The following RAB44 variants were observed in gnomAD, a reference collection of about 807,000 sequenced individuals.
RAB44 encodes RAB44, member RAS oncogene family.
RAB44 carries 67 observed loss-of-function variants against 93.3 expected under a neutral mutation model. That is an observed-to-expected ratio of 0.72 (90% confidence interval 0.59 to 0.88). The LOEUF (loss-of-function observed/expected upper bound fraction) is 0.88, where lower values mean the gene tolerates loss of function less well. Among genes scored for constraint, RAB44 ranks in the 40% least tolerant of loss-of-function variants. RAB44 has a pLI of 0.00. For missense variants in RAB44, 1,064 were observed against 1,261.7 expected (o/e 0.84, Z 2.37); for synonymous variants, 427 against 520.3 (o/e 0.82, Z 2.44).
intron 11 of RAB44, 138 bp from the exon 12 acceptor site, chr6:36,728,562 C>A (rs902378197): frequency 1.5e-6 from 1 of 670,340 alleles, no homozygotes; most frequent in Non-Finnish European, 2.7e-6. Flanking sequence ...GGGAAAGGGT[C>A]CAGGTGAGAA....
At chr6:36,719,970 C>A (rs1275797977) in intron 7 of RAB44, among the ~76,000 whole-genome samples, 2 of 152,194 alleles carry the variant, frequency 1.3e-5, no homozygotes, top group Non-Finnish European at 2.9e-5. Flanking sequence ...CTTGGCCAAG[C>A]AATGCTCCCT....
rs561844075 is a variant in RAB44 at position 36,718,593 on chromosome 6, G to A, written c.828+5G>A. The A allele has an allele frequency of 1.1e-5, 13 of 1,228,200 alleles. No individual in the cohort carries two copies. In the East Asian group the frequency reaches 3.8e-4, roughly 36 times the overall value. 76.1% of individuals were successfully genotyped at this position (1,228,200 alleles called of 1,614,324 possible). On this transcript the variant is annotated splice_donor_5th_base_variant and intron_variant, in intron 7 of 13. Transcript: ENST00000612677. ...CTAGCTGAGGGCCAGAGGGAGGTGA[G>A]TAATAGGGTTTCCCAGAAACCTACT... is the stretch of plus-strand genomic sequence containing the variant.
At chr6:36,716,623 A>G (rs907817944) in intron 4 of RAB44, among the ~76,000 whole-genome samples, 2 of 152,254 alleles carry the variant, frequency 1.3e-5, no homozygotes, top group East Asian at 1.9e-4. Context: ...CTGTGAGGAC[A>G]AGATTCCTCA....
Position 36,731,527 on chromosome 6 carries a change from G to T in RAB44, c.2976-476G>T, listed in dbSNP as rs1763363853. On this transcript the variant is annotated intron_variant, in intron 13 of 13. Coordinates refer to ENST00000612677, the MANE Select transcript of RAB44 (RefSeq NM_001257357.2). This position sits in a 1 kb window ranked among gnomAD's most constrained non-coding sequence, Gnocchi z 4.0. ...ACGAAGAAATGAATGGACTTCTTTTGCTTCCCCAGCCTCCAAGCTCTCTCG... is the reference window on the plus strand; with the variant it reads ...ACGAAGAAATGAATGGACTTCTTTTTCTTCCCCAGCCTCCAAGCTCTCTCG... 6.6e-6 allele frequency among the ~76,000 whole-genome samples: 1 copy of T among 152,086 alleles called. No individual in the cohort carries two copies. Among genetic ancestry groups the T allele is most frequent in the South Asian group, 2.1e-4 (1 of 4,836 alleles).
At position 36,732,196 on chromosome 6, in the gene RAB44, A is replaced by C; in HGVS notation, c.*103A>C. On this transcript the variant is annotated 3_prime_UTR_variant, in exon 14 of 14. Coordinates refer to ENST00000612677, the MANE Select transcript of RAB44 (RefSeq NM_001257357.2). ...GCAACGACACAGAGGACCAGCTTGG[A>C]GGTTCAGGAAAACCCTTCTCAACTC... is the stretch of plus-strand genomic sequence containing the variant. 2.8e-6 allele frequency: 2 copies of C among 709,192 alleles called. No homozygotes were observed. The highest frequency in any genetic ancestry group is 8.7e-5 in the Admixed American group (2 of 22,920). The allele number at this position is 709,192 out of a possible 1,614,324, so 43.9% of individuals were successfully genotyped here.
At chr6:36,714,651 C>T (rs1181086546) in intron 3 of RAB44, among the ~76,000 whole-genome samples, 1 of 152,214 alleles carries the variant, frequency 6.6e-6, no homozygotes, top group Non-Finnish European at 1.5e-5. Context: ...GGGAGGAGAA[C>T]TCAGGGGCTG....
At chr6:36,728,344 G>A (rs1460016760) in intron 11 of RAB44, among the ~76,000 whole-genome samples, 1 of 152,088 alleles carries the variant, frequency 6.6e-6, no homozygotes, top group Admixed American at 6.5e-5. Flanking sequence ...CACAGCACCT[G>A]GTGTATAGCA....
At position 36,717,219 on chromosome 6, in the gene RAB44, T is replaced by C; in HGVS notation, c.495-54T>C. 8.1e-7 allele frequency: 1 copy of C among 1,231,156 alleles called. No homozygotes were observed. Among genetic ancestry groups the C allele is most frequent in the Non-Finnish European group, 1.0e-6 (1 of 987,222 alleles). 76.3% of individuals were successfully genotyped at this position (1,231,156 alleles called of 1,614,324 possible). ...TGAGGAGTGGGGCTCCCCTTGCTTC[T>C]CCATCCCACCTTGTGTCTGACCCTC... is the stretch of plus-strand genomic sequence containing the variant. On this transcript the variant is annotated intron_variant, in intron 4 of 13. Coordinates refer to ENST00000612677, the MANE Select transcript of RAB44 (RefSeq NM_001257357.2). This position sits in a 1 kb window ranked among gnomAD's most constrained non-coding sequence, Gnocchi z 4.1.
intron 2 of RAB44, among the ~76,000 whole-genome samples, chr6:36,713,498 A>G (rs549182246): frequency 1.3e-5 from 2 of 152,246 alleles, no homozygotes; most frequent in East Asian, 3.9e-4. Flanking sequence ...GCCTGGCCTC[A>G]GGTAATTTTT....
rs1763042129 is a variant in RAB44, at chr6:36,720,386, C to T, written c.852C>T (p.Leu284=). The T allele has an allele frequency of 8.1e-7, 1 of 1,232,360 alleles. No homozygotes were observed. The highest frequency in any genetic ancestry group is 1.0e-6 in the Non-Finnish European group (1 of 988,188). 76.3% of individuals were successfully genotyped at this position (1,232,360 alleles called of 1,614,324 possible). A position where few individuals can be genotyped will look rare whatever the true frequency, so the allele number is the denominator to read the frequency against. ...AGCTGGAGGCCCAGCTCTCCCACCT[C>T]AGGAGCACACATCAGGAGGCTGCCT... is the stretch of plus-strand genomic sequence containing the variant. ...QRELEAQLSH[L]RSTHQEAASE... Residue 284 remains leucine, a synonymous_variant, in exon 8 of 14, where the codon CTC becomes CTT. Coordinates refer to ENST00000612677, the MANE Select transcript of RAB44 (RefSeq NM_001257357.2).
At chr6:36,720,285 T>C (rs1259918409) in intron 7 of RAB44, 78 bp from the exon 8 acceptor site, 14 of 1,166,672 alleles carry the variant, frequency 1.2e-5, no homozygotes, top group African/African-American at 1.6e-5. Context: ...GGGGTCTGTG[T>C]CCCACAATGG....
At chr6:36,730,785 C>T (rs1204969787) in intron 13 of RAB44, 36 bp downstream of exon 13, 37 of 1,092,898 alleles carry the variant, frequency 3.4e-5, no homozygotes, top group Admixed American at 4.3e-5. Flanking sequence ...CCCCACCCCC[C>T]CCCTTGCAGA....
intron 3 of RAB44, among the ~76,000 whole-genome samples, chr6:36,714,286 G>A (rs1273585364): frequency 6.6e-6 from 1 of 152,194 alleles, no homozygotes; most frequent in African/African-American, 2.4e-5. Flanking sequence ...ATATCTAGGG[G>A]TGGGGGCTTT....
At chr6:36,712,222 G>T (rs1219045122) in intron 2 of RAB44, among the ~76,000 whole-genome samples, 2 of 151,996 alleles carry the variant, frequency 1.3e-5, no homozygotes, top group Non-Finnish European at 2.9e-5. Context: ...AGAATTAGTT[G>T]AACTCGGGAG....
In RAB44 at chr6:36,713,487, C is replaced by T. The variant is rs929907714; in HGVS notation, c.208-341C>T. On this transcript the variant is annotated intron_variant, in intron 2 of 13. Transcript: ENST00000612677. ...TTGGGATTACAGGCTTGAGCCACCG[C>T]GCCTGGCCTCAGGTAATTTTTGGAC... Among the ~76,000 whole-genome samples the T allele has an allele frequency of 4.6e-5, 7 of 152,216 alleles. No individual in the cohort carries two copies. In the East Asian group the frequency reaches 5.8e-4, roughly 13 times the overall value.
chr6:36,727,496 T>A (rs1159073579), intron 10 of RAB44, 81 bp from the exon 11 acceptor site: 2 of 842,292 alleles, frequency 2.4e-6, no homozygotes, highest in African/African-American at 3.4e-5. Context: ...AGAAGTAGGA[T>A]AGGTTACTTC....
Position 36,730,666 on chromosome 6 carries a change from C to G in RAB44, c.2899-7C>G. 8.1e-7 allele frequency: 1 copy of G among 1,233,844 alleles called. No homozygotes were observed. The highest frequency in any genetic ancestry group is 2.1e-4 in the Middle Eastern group (1 of 4,834). 76.4% of individuals were successfully genotyped at this position (1,233,844 alleles called of 1,614,324 possible). ...GGCACATATGTCCCTCCCTGTCTGG[C>G]CTGCAGGAACTGGGGGTCTATTTTG... On this transcript the variant is annotated splice_polypyrimidine_tract_variant and splice_region_variant and intron_variant, in intron 12 of 13. Transcript: ENST00000612677.
At chr6:36,702,334 GAGAGA>G (rs1762532282) in intron 1 of RAB44, among the ~76,000 whole-genome samples, 1 of 55,858 alleles carries the variant, frequency 1.8e-5, no homozygotes, top group African/African-American at 7.3e-5. Context: ...GAGAGAGAGA[GAGAGA>G]ATGTACTTCT....
rs372685144 is a variant in RAB44, at chr6:36,722,044, C to CGGGCCCAGCGGTGCAGGA, written c.1916_1933dup (p.Pro639_Gly644dup). 5,115 of 1,234,318 alleles carry CGGGCCCAGCGGTGCAGGA rather than the reference C, an allele frequency of 4.1e-3. 152 individuals carry two copies. In the African/African-American group the frequency reaches 0.068, roughly 16 times the overall value. The allele number at this position is 1,234,318 out of a possible 1,614,324, so 76.5% of individuals were successfully genotyped here. ...ACAGAGAGGCTGGAGCAGGGCCAGG[C>CGGGCCCAGCGGTGCAGGA]GGGCCCAGCGGTGCAGGAGGGCCTT... is the stretch of plus-strand genomic sequence containing the variant. On this transcript the variant is annotated inframe_insertion, in exon 9 of 14. Transcript: ENST00000612677.
Sources: gnomAD v4.1 joint callset for allele counts (sites outside exome capture counted in the v4.1 genomes callset) on GRCh38, gnomAD v4.1.1 for gene constraint, Gnocchi (gnomAD v3.1) non-coding constraint, MANE v1.5 for transcripts, NCBI Gene and HGNC (gene_info 2026-07-23, HGNC 2026-07-21) for gene names.